ABL1: variants seen among roughly 807,000 people sequenced by gnomAD.
ABL1 encodes the protein tyrosine-protein kinase ABL1.
In ABL1, 11 loss-of-function variants were observed where a neutral mutation model predicts 94.7. The observed-to-expected ratio is 0.12, with a 90% CI of 0.07 to 0.19. ABL1 has a LOEUF of 0.19. ABL1 is among the 10% of genes least tolerant of loss of function. The probability of loss-of-function intolerance (pLI) is 1.00; values close to 1 mark genes in which losing one functional copy is unlikely to be tolerated. For missense variants in ABL1, 1,082 were observed against 1,489.4 expected, an observed-to-expected ratio of 0.73 and a Z score of 4.50; for synonymous variants, 656 against 622.4, an observed-to-expected ratio of 1.05 and a Z score of -0.80.
At chr9:130,818,205 T>G (rs773220544) in intron 1 of ABL1, among the ~76,000 whole-genome samples, 3 of 152,284 alleles carry the variant, frequency 2.0e-5, no homozygotes, top group African/African-American at 7.2e-5. Context: ...CTGGGTGGCT[T>G]ATGCCTATAA....
At chr9:130,730,230 C>T (rs918944838) in intron 1 of ABL1, among the ~76,000 whole-genome samples, 2 of 150,422 alleles carry the variant, frequency 1.3e-5, no homozygotes, top group Non-Finnish European at 3.0e-5. Context: ...TTAGTAGAGA[C>T]GGGGTTTCTC....
chr9:130,767,098 A>G (rs960357433), intron 1 of ABL1, among the ~76,000 whole-genome samples: 2 of 152,116 alleles, frequency 1.3e-5, no homozygotes, highest in African/African-American at 4.8e-5. Flanking sequence ...AGACCCATGC[A>G]GGCCCCAGCT....
intron 1 of ABL1, among the ~76,000 whole-genome samples, chr9:130,800,179 G>C (rs968565647): frequency 2.0e-5 from 3 of 152,040 alleles, no homozygotes; most frequent in Non-Finnish European, 2.9e-5. Flanking sequence ...ACTATAAAAT[G>C]TATTTTTATA....
At chr9:130,864,209 G>A in intron 4 of ABL1, among the ~76,000 whole-genome samples, 1 of 152,144 alleles carries the variant, frequency 6.6e-6, no homozygotes, top group East Asian at 1.9e-4. Context: ...ATGGTTTGGG[G>A]TTACCTTAAG....
intron 1 of ABL1, among the ~76,000 whole-genome samples, chr9:130,851,697 C>A (rs1194937828): frequency 2.6e-5 from 4 of 151,756 alleles, no homozygotes; most frequent in African/African-American, 9.7e-5. Context: ...AATTTTGTTA[C>A]CATTTGTTTG....
intron 1 of ABL1, among the ~76,000 whole-genome samples, chr9:130,837,276 C>T (rs904690902): frequency 1.3e-5 from 2 of 152,208 alleles, no homozygotes; most frequent in Non-Finnish European, 1.5e-5. Context: ...AAATTCTGAG[C>T]ACATTCTCAT....
Position 130,812,232 on chromosome 9 carries a change from G to A in ABL1, c.137-41832G>A, listed in dbSNP as rs1564297504. Among the ~76,000 whole-genome samples, 7 of 150,570 alleles carry A rather than the reference G, an allele frequency of 4.6e-5. No individual in the cohort carries two copies. The South Asian group carries it at 1.5e-3, about 32-fold the overall frequency. On this transcript the variant is annotated intron_variant, in intron 1 of 10. Transcript: ENST00000372348. ...AAAAAAAAAAAAAAAAATTAGCCAG[G>A]TGTGGTGGTGTAGTTCCACTCAGGA...
At chr9:130,733,879 T>C (rs564166414) in intron 1 of ABL1, among the ~76,000 whole-genome samples, 52 of 152,278 alleles carry the variant, frequency 3.4e-4, no homozygotes, top group Admixed American at 7.8e-4. Context: ...TGTGAGCCAC[T>C]ACGCCTGGCC....
At chr9:130,718,374 A>C (rs544792307) in intron 1 of ABL1, among the ~76,000 whole-genome samples, 3 of 152,254 alleles carry the variant, frequency 2.0e-5, no homozygotes, top group African/African-American at 7.2e-5. Context: ...GTAGCATCAA[A>C]GAACAATATC....
chr9:130,837,001 T>C (rs1221789474), intron 1 of ABL1, among the ~76,000 whole-genome samples: 2 of 152,182 alleles, frequency 1.3e-5, no homozygotes, highest in African/African-American at 4.8e-5. Context: ...CCTGAAGGCC[T>C]GCTTGGAGTC....
Position 130,885,386 on chromosome 9 carries a change from C to A in ABL1, c.3096C>A (p.Val1032=). 1 of 1,613,698 alleles carries A rather than the reference C, an allele frequency of 6.2e-7. No individual in the cohort carries two copies. The highest frequency in any genetic ancestry group is 1.1e-5 in the South Asian group (1 of 91,088). The stretch of plus-strand genomic sequence containing the variant: ...GCGGCGCCATCACCAAGGGCGTGGT[C>A]CTGGACAGCACCGAGGCGCTGTGCC... ...IASGAITKGV[V]LDSTEALCLA... is the part of the protein sequence containing the mutation. Residue 1032 remains valine (V), a synonymous_variant, in exon 11 of 11, where the codon GTC becomes GTA. Coordinates refer to ENST00000318560, the MANE Select transcript of ABL1 (RefSeq NM_005157.6).
intron 1 of ABL1, among the ~76,000 whole-genome samples, chr9:130,771,246 GT>G (rs1408679059): frequency 2.6e-5 from 4 of 151,778 alleles, no homozygotes; most frequent in Non-Finnish European, 4.4e-5. Context: ...GTGTGTGTAT[GT>G]ATGTATGTAT....
At chr9:130,834,711 G>A (rs1300032576), upstream of ABL1, among the ~76,000 whole-genome samples, 2 of 152,184 alleles carry the variant, frequency 1.3e-5, no homozygotes, top group East Asian at 3.9e-4. Context: ...CTGGATGTGC[G>A]GCCTCACCGG....
chr9:130,828,847 G>A (rs1830460243), intron 1 of ABL1, among the ~76,000 whole-genome samples: 2 of 152,168 alleles, frequency 1.3e-5, no homozygotes, highest in South Asian at 2.1e-4. Flanking sequence ...GACGTTAAAT[G>A]TAAGGAAAAA....
At chr9:130,859,900 C>T (rs767743176) in intron 3 of ABL1, among the ~76,000 whole-genome samples, 2 of 151,860 alleles carry the variant, frequency 1.3e-5, no homozygotes, top group African/African-American at 4.8e-5. Flanking sequence ...AGGCTGGTTT[C>T]GAACGCCTGA....
At chr9:130,776,051 A>G (rs1832306843) in intron 1 of ABL1, among the ~76,000 whole-genome samples, 1 of 152,258 alleles carries the variant, frequency 6.6e-6, no homozygotes, top group South Asian at 2.1e-4. Context: ...CGGTCTCACA[A>G]AGGAACTTTT....
At chr9:130,858,792 T>C (rs1480724052) in intron 3 of ABL1, among the ~76,000 whole-genome samples, 1 of 152,200 alleles carries the variant, frequency 6.6e-6, no homozygotes, top group African/African-American at 2.4e-5. Context: ...AGCTCATCTT[T>C]AGAAAACAAC....
At position 130,854,271 on chromosome 9, in the gene ABL1, A is replaced by T. The variant is rs764420863; in HGVS notation, c.253+34A>T. 9 of 1,600,978 alleles carry T rather than the reference A, an allele frequency of 5.6e-6. No homozygotes were observed. In the South Asian group the frequency reaches 1.0e-4, roughly 18 times the overall value. On this transcript the variant is annotated intron_variant, in intron 2 of 10. Coordinates refer to ENST00000318560, the MANE Select transcript of ABL1 (RefSeq NM_005157.6). ...GTTGTGGGCAGCTAGTGGTGGTTGC[A>T]GGAGATAGAAATCTGGGAATTGCGG...
Position 130,836,819 on chromosome 9 carries a change from G to C in ABL1, c.79+1294G>C, listed in dbSNP as rs1278317979. On this transcript the variant is annotated intron_variant, in intron 1 of 10. Coordinates refer to ENST00000318560, the MANE Select transcript of ABL1 (RefSeq NM_005157.6). ...CAGCCTGGGCGACACAGCAAGACTCGGTCTCAAAAAAAAAAAAAAAAAAAA... is the reference window on the plus strand; with the variant it reads ...CAGCCTGGGCGACACAGCAAGACTCCGTCTCAAAAAAAAAAAAAAAAAAAA... Among the ~76,000 whole-genome samples, 4 of 125,160 alleles carry C rather than the reference G, an allele frequency of 3.2e-5. No individual in the cohort carries two copies. In the East Asian group the frequency reaches 8.3e-4, roughly 26 times the overall value. 82.1% of individuals were successfully genotyped at this position (125,160 alleles called of 152,430 possible). A position where few individuals can be genotyped will look rare whatever the true frequency, so the allele number is the denominator to read the frequency against.
Sources: allele counts gnomAD v4.1 joint callset (sites outside exome capture counted in the v4.1 genomes callset), GRCh38; gene constraint gnomAD v4.1.1; transcripts MANE v1.5; gene names NCBI Gene and HGNC (gene_info 2026-07-23, HGNC 2026-07-21).